Variants in BRSK2 observed in about 807,000 individuals in gnomAD.
The protein encoded by BRSK2 is BR serine/threonine kinase 2, also known as serine/threonine-protein kinase BRSK2.
BRSK2 carries 19 observed loss-of-function variants against 83.3 expected under a neutral mutation model. That is an observed-to-expected ratio of 0.23 (90% CI 0.16 to 0.33). The LOEUF (loss-of-function observed/expected upper bound fraction) is 0.33, where lower values mean the gene tolerates loss of function less well. Among genes scored for constraint, BRSK2 ranks in the 10% least tolerant of loss-of-function variants. The pLI is 1.00. For missense variants in BRSK2, 798 were observed against 1,042.3 expected, an observed-to-expected ratio of 0.77 and a Z score of 3.23; for synonymous variants, 519 against 435.4, an observed-to-expected ratio of 1.19 and a Z score of -2.39.
chr11:1,459,412 G>A lies in BRSK2; in HGVS notation c.1987+173G>A, dbSNP rs567988578. 3.0e-4 allele frequency: 206 copies of A among 683,984 alleles called. 1 individual carries two copies. The highest frequency in any genetic ancestry group is 2.4e-3 in the South Asian group (142 of 58,340). 42.4% of individuals were successfully genotyped at this position (683,984 alleles called of 1,614,324 possible). On this transcript the variant is annotated intron_variant, in intron 19 of 19. Transcript: ENST00000528841. ...TCCTCTACCAGGAGCAGCCCAGGTC[G>A]CTCCCCTACCACAGCAAGCCCAGGC...
intron 9 of BRSK2, 131 bp downstream of exon 9, chr11:1,445,133 C>T (rs1243748765): frequency 1.6e-5 from 23 of 1,479,572 alleles, no homozygotes; most frequent in African/African-American, 6.9e-5. Flanking sequence ...CCGTGGCCTG[C>T]GCTGGGTGCG....
At chr11:1,440,728 G>T in intron 3 of BRSK2, 60 bp from the exon 4 acceptor site, 1 of 1,525,672 alleles carries the variant, frequency 6.6e-7, no homozygotes, top group Admixed American at 2.0e-5. Flanking sequence ...GGAGGCCCTG[G>T]GATGAGGAGG....
chr11:1,447,744 T>C, intron 12 of BRSK2: 1 of 1,545,164 alleles, frequency 6.5e-7, no homozygotes, highest in African/African-American at 1.4e-5. Context: ...GGGGCCGACC[T>C]GTGCCCGCGT....
chr11:1,408,476 T>TCCTGAGGTCAAAG (rs1347122444), intron 1 of BRSK2, among the ~76,000 whole-genome samples: 2 of 152,112 alleles, frequency 1.3e-5, no homozygotes, highest in East Asian at 3.9e-4. Context: ...GCTGGGGGTA[T>TCCTGAGGTCAAAG]CCTGAGGTCA....
chr11:1,393,478 G>A (rs1405380617), intron 1 of BRSK2, among the ~76,000 whole-genome samples: 3 of 152,198 alleles, frequency 2.0e-5, no homozygotes, highest in African/African-American at 4.8e-5. Context: ...TAATGGCCGC[G>A]ATAGGGCTCC....
intron 16 of BRSK2, 92 bp from the exon 17 acceptor site, chr11:1,456,256 C>A: frequency 7.6e-7 from 1 of 1,323,722 alleles, no homozygotes; most frequent in South Asian, 1.5e-5. Flanking sequence ...AATGTGTGCA[C>A]GGTGGGGCTG....
At chr11:1,456,574 G>A (rs1461410626) in intron 17 of BRSK2, 24 bp from the exon 18 acceptor site, 6 of 1,608,476 alleles carry the variant, frequency 3.7e-6, no homozygotes, top group Non-Finnish European at 5.1e-6. Context: ...GCCCGTCCAG[G>A]GCATAACCCC....
chr11:1,454,556 A>G lies in BRSK2; in HGVS notation c.1616A>G (p.Lys539Arg). The G allele has an allele frequency of 6.2e-7, 1 of 1,613,256 alleles. No individual in the cohort carries two copies. Among genetic ancestry groups the G allele is most frequent in the Non-Finnish European group, 8.5e-7 (1 of 1,179,940 alleles). ...EKEEQIFVVI[K>R]DKPLSSIKAD... ...GAGGAGCAGATCTTCGTGGTCATCA[A>G]AGACAAACCTCTGAGCTCCATCAAG... Residue 539 changes from lysine (K) to arginine (R), a missense_variant, in exon 16 of 20, where the codon AAA becomes AGA. This residue lies in a region of BRSK2 where 455 missense variants were observed against 455.2 expected (regional missense o/e 1.00). Coordinates refer to ENST00000528841, the MANE Select transcript of BRSK2 (RefSeq NM_001256627.2). This position sits in a 1 kb window ranked among gnomAD's most constrained non-coding sequence, Gnocchi z 5.2.
rs562780065 is a variant in BRSK2 at position 1,404,220 on chromosome 11, C to A, written c.91+13845C>A. Among the ~76,000 whole-genome samples the A allele has an allele frequency of 3.2e-4, 49 of 152,306 alleles. 1 individual carries two copies. The South Asian group carries it at 7.5e-3, about 23-fold the overall frequency. ...GATTGCTGCCTGCCCCAGCTGCCCG[C>A]AATCTGGGTGCGCGGAGCTGTGTCC... On this transcript the variant is annotated intron_variant, in intron 1 of 19. Coordinates refer to ENST00000528841, the MANE Select transcript of BRSK2 (RefSeq NM_001256627.2).
chr11:1,445,974 C>T lies in BRSK2; in HGVS notation c.1226+67C>T, dbSNP rs2133127433. 4.6e-6 allele frequency: 7 copies of T among 1,519,982 alleles called. No individual in the cohort carries two copies. The East Asian group carries it at 7.0e-5, about 15-fold the overall frequency. The allele number at this position is 1,519,982 out of a possible 1,614,324, so 94.2% of individuals were successfully genotyped here. A position where few individuals can be genotyped will look rare whatever the true frequency, so the allele number is the denominator to read the frequency against. Reference sequence around the variant, plus strand: ...CTGGCTGCGCGGCACTGCCGCCTGGCTCATCGCTACCCATTGGCCTGGGGT... The same window carrying T: ...CTGGCTGCGCGGCACTGCCGCCTGGTTCATCGCTACCCATTGGCCTGGGGT... On this transcript the variant is annotated intron_variant, in intron 12 of 19. Transcript: ENST00000528841.
rs1845699223 is a variant in BRSK2, at chr11:1,450,577, C to CA, written c.1288-9dup. On this transcript the variant is annotated splice_polypyrimidine_tract_variant and intron_variant, in intron 13 of 19. Transcript: ENST00000528841. ...TTGAACCAAACACCAAATCTGTCCC[C>CA]ACCATACAGGTGACCCCTCACCCCT... 6.6e-7 allele frequency: 1 copy of CA among 1,518,034 alleles called. No individual in the cohort carries two copies. The highest frequency in any genetic ancestry group is 1.4e-5 in the African/African-American group (1 of 71,444). 94.0% of individuals were successfully genotyped at this position (1,518,034 alleles called of 1,614,324 possible).
intron 1 of BRSK2, among the ~76,000 whole-genome samples, chr11:1,426,249 T>A (rs1480614199): frequency 6.8e-6 from 1 of 146,438 alleles, no homozygotes; most frequent in Non-Finnish European, 1.5e-5. Flanking sequence ...TCCGGGGATG[T>A]GTGTGGGGCG....
intron 15 of BRSK2, 118 bp downstream of exon 15, chr11:1,451,537 C>T (rs1418709133): frequency 2.8e-6 from 3 of 1,061,396 alleles, no homozygotes; most frequent in Non-Finnish European, 4.3e-6. Flanking sequence ...CCCCACCTCC[C>T]ACTGCAGGCA....
rs1002291127 is a variant in BRSK2, at chr11:1,438,231, C to G, written c.187-75C>G. The G allele has an allele frequency of 1.9e-5, 28 of 1,453,466 alleles. No homozygotes were observed. Among genetic ancestry groups the G allele is most frequent in the Non-Finnish European group, 2.5e-5 (26 of 1,043,458 alleles). 90.0% of individuals were successfully genotyped at this position (1,453,466 alleles called of 1,614,324 possible). A position where few individuals can be genotyped will look rare whatever the true frequency, so the allele number is the denominator to read the frequency against. ...CCCCTGCGACCCCCACAGCTGGCAC[C>G]AAAGGCAGTGTCTGTGGGGAGCGAT... On this transcript the variant is annotated intron_variant, in intron 2 of 19. Transcript: ENST00000528841. The surrounding 1 kb of genome is among the most constrained non-coding windows in gnomAD (Gnocchi z 6.4).
At position 1,403,081 on chromosome 11, in the gene BRSK2, T is replaced by C. The variant is rs961478533; in HGVS notation, c.91+12706T>C. Reference sequence around the variant, plus strand: ...GGGTAGGTGCCTGGCTGCAGGCCTCTGCCCGGCCTCTCACCCATGGGGTGT... The same window carrying C: ...GGGTAGGTGCCTGGCTGCAGGCCTCCGCCCGGCCTCTCACCCATGGGGTGT... On this transcript the variant is annotated intron_variant, in intron 1 of 19. Transcript: ENST00000528841. Among the ~76,000 whole-genome samples, 3 of 152,266 alleles carry C rather than the reference T, an allele frequency of 2.0e-5. No homozygotes were observed. In the East Asian group the frequency reaches 5.8e-4, roughly 30 times the overall value.
intron 1 of BRSK2, among the ~76,000 whole-genome samples, chr11:1,405,663 G>A (rs1186734362): frequency 6.6e-6 from 1 of 152,140 alleles, no homozygotes; most frequent in East Asian, 1.9e-4. Context: ...CCCCAGCTTT[G>A]AGGACCCAGG....
rs374367074 is a variant in BRSK2, at chr11:1,445,843, G to C, written c.1162G>C (p.Val388Leu). 1.2e-6 allele frequency: 2 copies of C among 1,612,234 alleles called. No individual in the cohort carries two copies. The highest frequency in any genetic ancestry group is 1.7e-6 in the Non-Finnish European group (2 of 1,179,678). ...ACGCAAATCCATGGAGGTGCTCAGC[G>C]TGACGGACGGCGGCTCCCCGGTGCC... Reference protein sequence around the residue: ...PERKSMEVLSVTDGGSPVPAR... With the variant: ...PERKSMEVLSLTDGGSPVPAR... The change falls in exon 12 of 20, where the codon GTG becomes CTG. Residue 388 changes from valine (V) to leucine (L), a missense_variant. Coordinates refer to ENST00000528841, the MANE Select transcript of BRSK2 (RefSeq NM_001256627.2).
intron 8 of BRSK2, 27 bp downstream of exon 8, chr11:1,443,662 C>T: frequency 6.6e-7 from 1 of 1,520,272 alleles, no homozygotes; most frequent in South Asian, 1.2e-5. Flanking sequence ...CGGGGCGGCC[C>T]CAGAGCGTGG....
At chr11:1,444,200 T>TTGCC (rs1355039375) in intron 8 of BRSK2, among the ~76,000 whole-genome samples, 3,997 of 152,166 alleles carry the variant, frequency 0.026, 62 homozygotes, top group Non-Finnish European at 0.033. Context: ...TGGGGCAAGC[T>TTGCC]CCAGGCAGCG....
Sources: gnomAD v4.1 joint callset for allele counts (sites outside exome capture counted in the v4.1 genomes callset) on GRCh38, gnomAD v4.1.1 for gene constraint, gnomAD v4.1.1 regional missense constraint, Gnocchi (gnomAD v3.1) non-coding constraint, MANE v1.5 for transcripts, NCBI Gene and HGNC (gene_info 2026-07-23, HGNC 2026-07-21) for gene names.